The following CD2AP variants were observed in gnomAD, a reference collection of about 807,000 sequenced individuals.
The protein encoded by CD2AP is CD2-associated protein.
CD2AP carries 46 observed loss-of-function variants against 85.1 expected under a neutral mutation model. The ratio of observed to expected loss-of-function variants is 0.54; its 90% CI spans 0.43 to 0.69. The LOEUF is 0.69. Among genes scored for constraint, CD2AP ranks in the 30% least tolerant of loss-of-function variants. The pLI is 0.00. For missense variants in CD2AP, 769 were observed against 729.5 expected (o/e 1.05, Z -0.62); for synonymous variants, 255 against 252.9 (o/e 1.01, Z -0.08).
At chr6:47,509,427 C>G (rs1030323060) in intron 2 of CD2AP, among the ~76,000 whole-genome samples, 27 of 127,448 alleles carry the variant, frequency 2.1e-4, no homozygotes, top group African/African-American at 7.7e-4. Flanking sequence ...TTGCACAGAC[C>G]TTCAATTTGT....
At chr6:47,561,002 G>T (rs1000696917) in intron 5 of CD2AP, among the ~76,000 whole-genome samples, 12 of 151,956 alleles carry the variant, frequency 7.9e-5, no homozygotes, top group African/African-American at 2.9e-4. Flanking sequence ...TATCAGTGTG[G>T]GCTCATCAGA....
chr6:47,602,190 C>T (rs1485850135), intron 13 of CD2AP, among the ~76,000 whole-genome samples: 2 of 151,746 alleles, frequency 1.3e-5, no homozygotes, highest in Non-Finnish European at 2.9e-5. Flanking sequence ...GACTTTTGTA[C>T]ATGTAAGAAA....
In CD2AP at chr6:47,625,257, A is replaced by G. The variant is rs562840607; in HGVS notation, c.*1030A>G. The G allele has an allele frequency of 6.6e-6, 1 of 152,060 alleles. No homozygotes were observed. Among genetic ancestry groups the G allele is most frequent in the South Asian group, 2.1e-4 (1 of 4,834 alleles). The allele number at this position is 152,060 out of a possible 1,614,324, so 9.4% of individuals were successfully genotyped here. ...CAGTGTGAGGTTTCCTATTTTGACA[A>G]GTTAACTTGTAAATACTCAGGTTTT... On this transcript the variant is annotated 3_prime_UTR_variant, in exon 18 of 18. Transcript: ENST00000359314.
chr6:47,488,423 G>A (rs1227719650), intron 1 of CD2AP, among the ~76,000 whole-genome samples: 1 of 151,862 alleles, frequency 6.6e-6, no homozygotes, highest in Non-Finnish European at 1.5e-5. Context: ...CATTTAAAAA[G>A]GAACATGTGA....
Position 47,533,714 on chromosome 6 carries a change from G to C in CD2AP, c.278G>C (p.Gly93Ala), listed in dbSNP as rs1379855438. 1 of 1,613,970 alleles carries C rather than the reference G, an allele frequency of 6.2e-7. No individual in the cohort carries two copies. The highest frequency in any genetic ancestry group is 8.5e-7 in the Non-Finnish European group (1 of 1,180,002). ...ATAAGCACCTATGGACTTCCAGCTG[G>C]AGGAATTCAGCCACATCCACAAACC... is the stretch of plus-strand genomic sequence containing the variant. ...QRISTYGLPA[G>A]GIQPHPQTKN... is the part of the protein sequence containing the mutation. Residue 93 changes from glycine to alanine, a missense_variant, in exon 3 of 18, where the codon GGA becomes GCA. By Grantham distance (60) the Gly-to-Ala change is moderately conservative (BLOSUM62 0). Coordinates refer to ENST00000359314, the MANE Select transcript of CD2AP (RefSeq NM_012120.3).
At chr6:47,517,155 T>A (rs906487315) in intron 2 of CD2AP, among the ~76,000 whole-genome samples, 2 of 152,188 alleles carry the variant, frequency 1.3e-5, no homozygotes, top group Non-Finnish European at 2.9e-5. Flanking sequence ...TTGTTCCTGC[T>A]CTCACTATGT....
intron 11 of CD2AP, among the ~76,000 whole-genome samples, chr6:47,587,777 G>A (rs1768670220): frequency 6.6e-6 from 1 of 152,070 alleles, no homozygotes; most frequent in Admixed American, 6.6e-5. Context: ...CACTAAAATG[G>A]TAACTTTTAT....
intron 1 of CD2AP, among the ~76,000 whole-genome samples, chr6:47,485,559 A>G (rs1019488159): frequency 7.3e-6 from 1 of 136,348 alleles, no homozygotes; most frequent in Non-Finnish European, 1.7e-5. Context: ...TAATTTTGAA[A>G]GAAAATTAGA....
chr6:47,529,735 G>A (rs1001819536), intron 2 of CD2AP, among the ~76,000 whole-genome samples: 2 of 152,080 alleles, frequency 1.3e-5, no homozygotes, highest in Non-Finnish European at 2.9e-5. Flanking sequence ...TGCTAAAATC[G>A]GTTTCCTTGT....
At chr6:47,560,901 G>A (rs1003176158) in intron 5 of CD2AP, among the ~76,000 whole-genome samples, 1 of 152,022 alleles carries the variant, frequency 6.6e-6, no homozygotes, top group Non-Finnish European at 1.5e-5. Flanking sequence ...TACCAAAAAT[G>A]GTGATTTTCT....
chr6:47,594,397 G>A (rs184433175), intron 11 of CD2AP, among the ~76,000 whole-genome samples: 65 of 152,050 alleles, frequency 4.3e-4, no homozygotes, highest in African/African-American at 1.4e-3. Context: ...ATGATGAGTC[G>A]TATTTTTGTT....
At chr6:47,541,756 T>C (rs935929334) in intron 3 of CD2AP, among the ~76,000 whole-genome samples, 1 of 152,236 alleles carries the variant, frequency 6.6e-6, no homozygotes, top group Admixed American at 6.5e-5. Context: ...GGAAATTGAT[T>C]CCTAGAGAAT....
At chr6:47,576,425 C>A in intron 6 of CD2AP, 99 bp from the exon 7 acceptor site, 1 of 822,408 alleles carries the variant, frequency 1.2e-6, no homozygotes, top group Non-Finnish European at 2.1e-6. Flanking sequence ...GCTATAAGTA[C>A]CATTAGGGAA....
chr6:47,533,610 AAG>A lies in CD2AP; in HGVS notation c.180_181del (p.Glu60AspfsTer6), dbSNP rs1766948408. The A allele has an allele frequency of 6.2e-7, 1 of 1,613,696 alleles. No individual in the cohort carries two copies. The highest frequency in any genetic ancestry group is 8.5e-7 in the Non-Finnish European group (1 of 1,179,900). ...FPDNFVKEIK[R>X]ETEFKDDSLP... ...TATTTTCCCTTTTGTAGGAAATTAAAAGAGAGACGGAATTCAAGGATGACAGT... is the reference window on the plus strand; with the variant it reads ...TATTTTCCCTTTTGTAGGAAATTAAAAGAGACGGAATTCAAGGATGACAGT... On this transcript the variant is annotated frameshift_variant, in exon 3 of 18. Transcript: ENST00000359314. LOFTEE classifies it high-confidence loss of function.
intron 5 of CD2AP, among the ~76,000 whole-genome samples, chr6:47,559,926 A>G (rs1767806058): frequency 2.0e-5 from 3 of 151,982 alleles, no homozygotes; most frequent in African/African-American, 4.8e-5. Flanking sequence ...TAGTAGAGAA[A>G]CCTAAGTCAT....
chr6:47,505,578 G>A, intron 2 of CD2AP, among the ~76,000 whole-genome samples: 1 of 145,598 alleles, frequency 6.9e-6, no homozygotes, highest in Non-Finnish European at 1.5e-5. Context: ...CTGGGCAGAG[G>A]CGCCCCTCAC....
chr6:47,556,963 T>C (rs1767711893), intron 5 of CD2AP, among the ~76,000 whole-genome samples: 2 of 152,156 alleles, frequency 1.3e-5, no homozygotes, highest in Non-Finnish European at 2.9e-5. Flanking sequence ...TGTTCCCATT[T>C]CTCCACATCC....
chr6:47,573,039 T>TAAGGCTCTTTGAGGATCTGATGAA (rs1270273509), intron 5 of CD2AP, among the ~76,000 whole-genome samples: 1 of 152,174 alleles, frequency 6.6e-6, no homozygotes, highest in African/African-American at 2.4e-5. Flanking sequence ...ACTTAGATTA[T>TAAGGCTCTTTGAGGATCTGATGAA]AAGGCTCTTT....
At chr6:47,512,406 T>G (rs541340578) in intron 2 of CD2AP, among the ~76,000 whole-genome samples, 5 of 152,302 alleles carry the variant, frequency 3.3e-5, no homozygotes, top group African/African-American at 1.2e-4. Context: ...GTGTGGATGG[T>G]GGAACTAGGC....
Sources: allele counts gnomAD v4.1 joint callset (sites outside exome capture counted in the v4.1 genomes callset), GRCh38; gene constraint gnomAD v4.1.1; transcripts MANE v1.5; gene names NCBI Gene and HGNC (gene_info 2026-07-23, HGNC 2026-07-21).